The following TRAPPC11 variants were observed in gnomAD, a reference collection of about 807,000 sequenced individuals.
The protein encoded by TRAPPC11 is foie gras homolog.
A neutral mutation model predicts 151.2 loss-of-function variants in TRAPPC11; 104 were observed. The observed-to-expected ratio is 0.69, with a 90% CI of 0.59 to 0.81. The LOEUF (loss-of-function observed/expected upper bound fraction) is 0.81. Among genes scored for constraint, TRAPPC11 ranks in the 30% least tolerant of loss-of-function variants. The pLI is 0.00. For synonymous variants in TRAPPC11, 456 were observed against 472.3 expected (o/e 0.97, Z 0.45); for missense variants, 1,230 against 1,349.6 (o/e 0.91, Z 1.39).
At position 183,712,743 on chromosome 4, in the gene TRAPPC11, AC is replaced by A. The variant is rs1160228385; in HGVS notation, c.*101del. ...TAGCTTTGATCATGGTAAAAAGTTA[AC>A]CTTTTCTATTTTTTAATGGATGTTA... On this transcript the variant is annotated 3_prime_UTR_variant, in exon 30 of 30. Transcript: ENST00000334690. 1 of 1,257,004 alleles carries A rather than the reference AC, an allele frequency of 8.0e-7. No homozygotes were observed. The highest frequency in any genetic ancestry group is 1.1e-6 in the Non-Finnish European group (1 of 869,744). 77.9% of individuals were successfully genotyped at this position (1,257,004 alleles called of 1,614,324 possible).
chr4:183,675,049 G>A (rs11938175), intron 6 of TRAPPC11, 115 bp from the exon 7 acceptor site: 5 of 591,040 alleles, frequency 8.5e-6, no homozygotes, highest in South Asian at 4.0e-5. Flanking sequence ...AATAATTCTT[G>A]TATTTCAGTT....
chr4:183,692,431 A>G (rs1259579565), intron 19 of TRAPPC11, among the ~76,000 whole-genome samples: 2 of 151,180 alleles, frequency 1.3e-5, no homozygotes, highest in African/African-American at 4.9e-5. Flanking sequence ...TTATTTTTTC[A>G]TGGTACCTAA....
At chr4:183,697,955 C>T in intron 25 of TRAPPC11, 120 bp downstream of exon 25, 1 of 906,604 alleles carries the variant, frequency 1.1e-6, no homozygotes, top group South Asian at 2.0e-5. Flanking sequence ...AACTTGAGAC[C>T]TGCACTCGTG....
At chr4:183,697,025 G>A (rs1238104854) in intron 23 of TRAPPC11, among the ~76,000 whole-genome samples, 1 of 152,062 alleles carries the variant, frequency 6.6e-6, no homozygotes, top group African/African-American at 2.4e-5. Context: ...GATAAATAAT[G>A]TATAAGAAAA....
chr4:183,663,725 G>A (rs1734682561), intron 1 of TRAPPC11, 122 bp from the exon 2 acceptor site: 1 of 620,498 alleles, frequency 1.6e-6, no homozygotes, highest in Admixed American at 3.1e-5. Context: ...TATTGGAAAT[G>A]AATATGAGTT....
chr4:183,660,286 A>G (rs1339035728), intron 1 of TRAPPC11, among the ~76,000 whole-genome samples: 1 of 152,250 alleles, frequency 6.6e-6, no homozygotes, highest in Non-Finnish European at 1.5e-5. Context: ...TCTGCTGTCC[A>G]GTTCTGTAGC....
chr4:183,660,920 G>A lies in TRAPPC11; in HGVS notation c.-22+1473G>A, dbSNP rs559670549. Among the ~76,000 whole-genome samples, 108 of 152,010 alleles carry A rather than the reference G, an allele frequency of 7.1e-4. 1 individual carries two copies. The highest frequency in any genetic ancestry group is 2.1e-3 in the African/African-American group (86 of 41,518). On this transcript the variant is annotated intron_variant, in intron 1 of 29. Transcript: ENST00000334690. Reference sequence around the variant, plus strand: ...GTAGAGACGGGGTTTCACCCTATTGGCCAGGCTGGTTTTGAACCGTTGACC... The same window carrying A: ...GTAGAGACGGGGTTTCACCCTATTGACCAGGCTGGTTTTGAACCGTTGACC...
At chr4:183,706,777 C>T (rs377429062) in intron 27 of TRAPPC11, 30 bp from the exon 28 acceptor site, 1 of 1,592,394 alleles carries the variant, frequency 6.3e-7, no homozygotes, top group South Asian at 1.1e-5. Context: ...ATTTTTTAAA[C>T]CAAGAGAAGT....
chr4:183,666,354 A>G lies in TRAPPC11; in HGVS notation c.302A>G (p.Tyr101Cys), dbSNP rs746188995. Residue 101 changes from tyrosine (Y) to cysteine (C), a missense_variant, in exon 3 of 30, where the codon TAT (tyrosine) becomes TGT (cysteine). Tyr to Cys is a radical substitution (Grantham distance 194). Coordinates refer to ENST00000334690, the MANE Select transcript of TRAPPC11 (RefSeq NM_021942.6). Reference sequence around the variant, plus strand: ...GTGCCAGCCCTGGTGGTTGTGTTCTATGAACTGGACTGGGATGAGCCTCAG... The same window carrying G: ...GTGCCAGCCCTGGTGGTTGTGTTCTGTGAACTGGACTGGGATGAGCCTCAG... ...NLVPALVVVF[Y>C]ELDWDEPQWK... is the part of the protein sequence containing the mutation. 3.7e-6 allele frequency: 6 copies of G among 1,614,182 alleles called. No individual in the cohort carries two copies. Among genetic ancestry groups the G allele is most frequent in the East Asian group, 4.5e-5 (2 of 44,890 alleles).
At chr4:183,699,376 A>G (rs1260126050) in intron 25 of TRAPPC11, among the ~76,000 whole-genome samples, 1 of 152,146 alleles carries the variant, frequency 6.6e-6, no homozygotes, top group Non-Finnish European at 1.5e-5. Flanking sequence ...ACACACCTAC[A>G]TTGTAACACT....
Position 183,683,955 on chromosome 4 carries a change from T to A in TRAPPC11, c.1208-20T>A. On this transcript the variant is annotated intron_variant, in intron 11 of 29. Transcript: ENST00000334690. ...TATTAAATGAGCTGTCTAAAATGAGTTGTGTCTCATCTTACGCAGGTTTTG... is the reference window on the plus strand; with the variant it reads ...TATTAAATGAGCTGTCTAAAATGAGATGTGTCTCATCTTACGCAGGTTTTG... The A allele has an allele frequency of 6.3e-7, 1 of 1,597,872 alleles. No individual in the cohort carries two copies. The highest frequency in any genetic ancestry group is 8.6e-7 in the Non-Finnish European group (1 of 1,165,374).
chr4:183,685,523 TA>T lies in TRAPPC11; in HGVS notation c.1762+121del, dbSNP rs1735921102. On this transcript the variant is annotated intron_variant, in intron 17 of 29. Transcript: ENST00000334690. Reference sequence around the variant, plus strand: ...GAGTTTTCAAAGTATAATCATGTTATAGATAAACTGATTTTTTTTTGTGTCC... The same window carrying T: ...GAGTTTTCAAAGTATAATCATGTTATGATAAACTGATTTTTTTTTGTGTCC... 85 of 1,186,210 alleles carry T rather than the reference TA, an allele frequency of 7.2e-5. No individual in the cohort carries two copies. In the South Asian group the frequency reaches 1.4e-3, roughly 20 times the overall value. 73.5% of individuals were successfully genotyped at this position (1,186,210 alleles called of 1,614,324 possible).
chr4:183,690,461 A>G (rs1453251719), intron 18 of TRAPPC11, among the ~76,000 whole-genome samples: 1 of 152,204 alleles, frequency 6.6e-6, no homozygotes, highest in African/African-American at 2.4e-5. Context: ...TCTTCTGGGA[A>G]GGCAGATGCA....
intron 5 of TRAPPC11, among the ~76,000 whole-genome samples, chr4:183,669,741 C>T (rs187626304): frequency 6.6e-6 from 1 of 152,276 alleles, no homozygotes; most frequent in Admixed American, 6.5e-5. Context: ...GACAGCCCTG[C>T]ACAACAAGGA....
chr4:183,680,816 C>A (rs1009478262), intron 10 of TRAPPC11, among the ~76,000 whole-genome samples: 3 of 151,290 alleles, frequency 2.0e-5, no homozygotes, highest in African/African-American at 7.3e-5. Flanking sequence ...CCACAATCTC[C>A]TGAGTAGCTG....
intron 1 of TRAPPC11, among the ~76,000 whole-genome samples, chr4:183,660,105 C>G (rs183625395): frequency 4.8e-4 from 73 of 152,338 alleles, no homozygotes; most frequent in Non-Finnish European, 9.0e-4. Context: ...TCCTTCCAGC[C>G]TGTCATTGAA....
intron 27 of TRAPPC11, chr4:183,706,067 A>AACACACACACACACAC (rs35580682): frequency 2.1e-5 from 3 of 145,736 alleles, no homozygotes; most frequent in African/African-American, 7.7e-5. Flanking sequence ...GAACTGCCAG[A>AACACACACACACACAC]ACACACACAC....
At chr4:183,690,092 A>G (rs1173232727) in intron 18 of TRAPPC11, among the ~76,000 whole-genome samples, 3 of 152,110 alleles carry the variant, frequency 2.0e-5, no homozygotes, top group East Asian at 3.9e-4. Context: ...AGTCTCAGCT[A>G]CTTGGGAGGC....
chr4:183,709,631 C>T (rs182973031), intron 29 of TRAPPC11, among the ~76,000 whole-genome samples: 17 of 152,108 alleles, frequency 1.1e-4, no homozygotes, highest in African/African-American at 2.2e-4. Context: ...GAAAATTAGC[C>T]GGGCGTGGTG....
Sources: allele counts gnomAD v4.1 joint callset (sites outside exome capture counted in the v4.1 genomes callset), GRCh38; gene constraint gnomAD v4.1.1; transcripts MANE v1.5; gene names NCBI Gene and HGNC (gene_info 2026-07-23, HGNC 2026-07-21).